RPRD1B: variants seen among roughly 807,000 people sequenced by gnomAD.
The protein encoded by RPRD1B is regulation of nuclear pre-mRNA domain containing 1B.
Under a neutral mutation model 41.5 loss-of-function variants are expected in RPRD1B, and 11 were observed. That is an observed-to-expected ratio of 0.27 (90% confidence interval 0.17 to 0.44). The LOEUF is 0.44. RPRD1B is among the 20% of genes least tolerant of loss of function. The pLI is 1.00. For missense variants in RPRD1B, 248 were observed against 389.9 expected (o/e 0.64, Z 3.06); for synonymous variants, 158 against 155.6 (o/e 1.02, Z -0.12).
chr20:38,035,889 C>T (rs1161509097), intron 1 of RPRD1B, among the ~76,000 whole-genome samples: 3 of 152,002 alleles, frequency 2.0e-5, no homozygotes, highest in East Asian at 3.9e-4. Context: ...CTCAGCCTCC[C>T]GAGTAGCTGG....
chr20:38,048,234 A>G (rs2074139573), intron 2 of RPRD1B, 114 bp from the exon 3 acceptor site: 1 of 1,130,380 alleles, frequency 8.8e-7, no homozygotes, highest in South Asian at 2.2e-5. Flanking sequence ...ATTTGGTTTT[A>G]AATGTGTAAA....
intron 6 of RPRD1B, 44 bp from the exon 7 acceptor site, chr20:38,089,682 G>A: frequency 6.5e-7 from 1 of 1,549,296 alleles, no homozygotes; most frequent in East Asian, 2.3e-5. Context: ...CATGCCCTCG[G>A]CACGCACAGA....
intron 2 of RPRD1B, among the ~76,000 whole-genome samples, chr20:38,046,958 A>T (rs763496725): frequency 2.0e-5 from 3 of 152,168 alleles, no homozygotes; most frequent in Admixed American, 6.5e-5. Flanking sequence ...ACTCGAGAAC[A>T]GGTTGTAGGA....
At chr20:38,083,217 A>AT (rs1251736833) in intron 6 of RPRD1B, among the ~76,000 whole-genome samples, 1 of 152,274 alleles carries the variant, frequency 6.6e-6, no homozygotes, top group African/African-American at 2.4e-5. Flanking sequence ...TAAAAAAAAA[A>AT]CTAAATAGTT....
At chr20:38,043,591 G>T (rs1028924852) in intron 2 of RPRD1B, among the ~76,000 whole-genome samples, 2 of 152,216 alleles carry the variant, frequency 1.3e-5, no homozygotes, top group African/African-American at 4.8e-5. Flanking sequence ...TTGCTGTGAT[G>T]CAGGCTAGAG....
At chr20:38,038,485 GTTTTGTTTTTTTTT>G (rs1417564574) in intron 1 of RPRD1B, among the ~76,000 whole-genome samples, 9 of 83,120 alleles carry the variant, frequency 1.1e-4, no homozygotes, top group Admixed American at 3.4e-4. Context: ...GATTTTTTTT[GTTTTGTTTTTTTTT>G]TTTTTTTTTT....
In RPRD1B at chr20:38,086,498, GT is replaced by G. The variant is rs373052876; in HGVS notation, c.832-3224del. 5.0e-3 allele frequency among the ~76,000 whole-genome samples: 757 copies of G among 152,226 alleles called. 5 individuals carry two copies. Among genetic ancestry groups the G allele is most frequent in the African/African-American group, 0.018 (731 of 41,536 alleles). ...ATCTTTTCTTTTTACCAGCCTCAGT[GT>G]TTTGTGTTTTTCATTTTTTTGTGGA... On this transcript the variant is annotated intron_variant, in intron 6 of 6. Coordinates refer to ENST00000373433, the MANE Select transcript of RPRD1B (RefSeq NM_021215.4).
In RPRD1B at chr20:38,091,731, C is replaced by A; in HGVS notation, c.*1856C>A. On this transcript the variant is annotated 3_prime_UTR_variant, in exon 7 of 7. Transcript: ENST00000373433. ...TTTCACCAAGGAAGTGCGATCTGAG[C>A]AGCCACAATCCAGCCAAAAGAGGAT... 9 of 985,720 alleles carry A rather than the reference C, an allele frequency of 9.1e-6. No individual in the cohort carries two copies. The highest frequency in any genetic ancestry group is 8.4e-6 in the Non-Finnish European group (7 of 829,934). 61.1% of individuals were successfully genotyped at this position (985,720 alleles called of 1,614,324 possible).
intron 5 of RPRD1B, among the ~76,000 whole-genome samples, chr20:38,061,496 C>T (rs1206889648): frequency 6.6e-6 from 1 of 152,230 alleles, no homozygotes; most frequent in African/African-American, 2.4e-5. Flanking sequence ...AAGGCCATTG[C>T]TCCAACAATG....
At position 38,091,228 on chromosome 20, in the gene RPRD1B, G is replaced by A; in HGVS notation, c.*1353G>A. 1.0e-6 allele frequency: 1 copy of A among 985,818 alleles called. No individual in the cohort carries two copies. The highest frequency in any genetic ancestry group is 1.2e-6 in the Non-Finnish European group (1 of 829,926). 61.1% of individuals were successfully genotyped at this position (985,818 alleles called of 1,614,324 possible). On this transcript the variant is annotated 3_prime_UTR_variant, in exon 7 of 7. Coordinates refer to ENST00000373433, the MANE Select transcript of RPRD1B (RefSeq NM_021215.4). ...GCTGAAACCCAAACTATATAAAAAG[G>A]AATTCAGTGGAGGGGGCTTTGTAAT...
At chr20:38,067,068 C>G (rs2074365292) in intron 6 of RPRD1B, among the ~76,000 whole-genome samples, 1 of 152,170 alleles carries the variant, frequency 6.6e-6, no homozygotes, top group Non-Finnish European at 1.5e-5. Context: ...TAGCACAGTT[C>G]TCAAACTGTA....
At chr20:38,066,352 A>AAACGATAAAAATG in intron 6 of RPRD1B, 96 bp downstream of exon 6, 3 of 1,152,078 alleles carry the variant, frequency 2.6e-6, no homozygotes, top group Non-Finnish European at 3.7e-6. Context: ...CAACATTTTT[A>AAACGATAAAAATG]TCGTTTAAAA....
At chr20:38,046,367 G>A (rs939086927) in intron 2 of RPRD1B, among the ~76,000 whole-genome samples, 5 of 152,136 alleles carry the variant, frequency 3.3e-5, no homozygotes, top group South Asian at 2.1e-4. Context: ...ATTACTTACC[G>A]AAACCCATAT....
chr20:38,083,775 G>A (rs148171881), intron 6 of RPRD1B: 48 of 152,258 alleles, frequency 3.2e-4, no homozygotes, highest in African/African-American at 1.2e-3. Flanking sequence ...CCGAGTATTG[G>A]GATTGGAGCC....
At position 38,059,462 on chromosome 20, in the gene RPRD1B, G is replaced by A. The variant is rs889814485; in HGVS notation, c.597G>A (p.Gln199=). The A allele has an allele frequency of 6.2e-7, 1 of 1,614,142 alleles. No homozygotes were observed. Residue 199 remains glutamine, a synonymous_variant, in exon 5 of 7, where the codon CAG becomes CAA. Transcript: ENST00000373433. ...CATCAGGGGATGCTACTGTCCGACAGAAAATTGCTTCTCTGCCCCAGGAAG... is the reference window on the plus strand; with the variant it reads ...CATCAGGGGATGCTACTGTCCGACAAAAAATTGCTTCTCTGCCCCAGGAAG... ...NAASGDATVR[Q]KIASLPQEVQ...
chr20:38,076,862 T>C (rs2122757027), intron 6 of RPRD1B, among the ~76,000 whole-genome samples: 1 of 151,626 alleles, frequency 6.6e-6, no homozygotes, highest in South Asian at 2.1e-4. Flanking sequence ...TCCATGCCTT[T>C]ATTGTAAATG....
rs1018314461 is a variant in RPRD1B, at chr20:38,091,368, G to A, written c.*1493G>A. Reference sequence around the variant, plus strand: ...TAAAGCATAACGGGCTTCCCTTCCAGAAGCTCTCCTGCTTGTCATGAAGTG... The same window carrying A: ...TAAAGCATAACGGGCTTCCCTTCCAAAAGCTCTCCTGCTTGTCATGAAGTG... On this transcript the variant is annotated 3_prime_UTR_variant, in exon 7 of 7. Coordinates refer to ENST00000373433, the MANE Select transcript of RPRD1B (RefSeq NM_021215.4). The A allele has an allele frequency of 5.1e-6, 5 of 985,314 alleles. No individual in the cohort carries two copies. In the African/African-American group the frequency reaches 8.7e-5, roughly 17 times the overall value. 61.0% of individuals were successfully genotyped at this position (985,314 alleles called of 1,614,324 possible). A position where few individuals can be genotyped will look rare whatever the true frequency, so the allele number is the denominator to read the frequency against.
chr20:38,039,407 C>CTTTTTTTTTTTTTTTTTTTTTT (rs1165738530), intron 1 of RPRD1B, among the ~76,000 whole-genome samples: 30 of 141,730 alleles, frequency 2.1e-4, no homozygotes, highest in South Asian at 4.5e-4. Flanking sequence ...TACAAGAAAC[C>CTTTTTTTTTTTTTTTTTTTTTT]TTTTTTTTTT....
In RPRD1B at chr20:38,048,414, G is replaced by A. The variant is rs138106225; in HGVS notation, c.348G>A (p.Val116=). 3,690 of 1,614,058 alleles carry A rather than the reference G, an allele frequency of 2.3e-3. 15 individuals are homozygous for A. Among genetic ancestry groups the A allele is most frequent in the South Asian group, 3.1e-3 (285 of 91,068 alleles). The stretch of plus-strand genomic sequence containing the variant: ...TGAACATCTGGCAAGAACGAAGTGT[G>A]TATGGCGGCGAGTTCATACAGCAGC... ...RLLNIWQERS[V]YGGEFIQQLK... The change falls in exon 3 of 7, where the codon GTG becomes GTA. Residue 116 remains valine, a synonymous_variant. Transcript: ENST00000373433.
Sources: allele counts gnomAD v4.1 joint callset (sites outside exome capture counted in the v4.1 genomes callset), GRCh38; gene constraint gnomAD v4.1.1; transcripts MANE v1.5; gene names NCBI Gene and HGNC (gene_info 2026-07-23, HGNC 2026-07-21).